ERH: variants seen among roughly 807,000 people sequenced by gnomAD.
ERH encodes the protein enhancer of rudimentary homolog.
ERH carries 1 observed loss-of-function variant against 16.8 expected under a neutral mutation model. That is an observed-to-expected ratio of 0.06 (90% CI 0.02 to 0.28). ERH has a LOEUF of 0.28. Among genes scored for constraint, ERH ranks in the 10% least tolerant of loss-of-function variants. ERH has a pLI of 1.00. For synonymous variants in ERH, 43 were observed against 43.6 expected (o/e 0.99, Z 0.05); for missense variants, 42 against 127.5 (o/e 0.33, Z 3.23).
chr14:69,385,958 A>C (rs1210250301), intron 3 of ERH, among the ~76,000 whole-genome samples: 1 of 152,168 alleles, frequency 6.6e-6, no homozygotes, highest in East Asian at 1.9e-4. Flanking sequence ...GGCTTCCTTA[A>C]TGACTTCAAA....
At position 69,380,514 on chromosome 14, in the gene ERH, A is replaced by AAC; in HGVS notation, c.*23_*24insGT. The AAC allele has an allele frequency of 2.9e-5, 35 of 1,218,980 alleles. No individual in the cohort carries two copies. Among genetic ancestry groups the AAC allele is most frequent in the Middle Eastern group, 2.3e-4 (1 of 4,314 alleles). 75.5% of individuals were successfully genotyped at this position (1,218,980 alleles called of 1,614,324 possible). A position where few individuals can be genotyped will look rare whatever the true frequency, so the allele number is the denominator to read the frequency against. On this transcript the variant is annotated 3_prime_UTR_variant, in exon 4 of 4. Transcript: ENST00000557016. ...ACACCTGTGTTCCAAGCCCACCCCA[A>AAC]CCCCCCCAGTGCTTCCAACACAATT...
intron 1 of ERH, 130 bp downstream of exon 1, chr14:69,398,101 C>T (rs1882411402): frequency 1.7e-6 from 2 of 1,173,314 alleles, no homozygotes; most frequent in Non-Finnish European, 2.5e-6. Context: ...AGGGTCAATC[C>T]ACCGACTAGA....
chr14:69,398,084 G>A (rs1326547092), intron 1 of ERH, 147 bp downstream of exon 1: 3 of 1,041,606 alleles, frequency 2.9e-6, no homozygotes, highest in African/African-American at 3.1e-5. Flanking sequence ...TCCCTGCGGC[G>A]GGAAGAAGGG....
At chr14:69,394,382 G>A (rs1369854966) in intron 2 of ERH, among the ~76,000 whole-genome samples, 1 of 151,960 alleles carries the variant, frequency 6.6e-6, no homozygotes, top group Admixed American at 6.5e-5. Flanking sequence ...ATTACTTGAG[G>A]TCAGGAGCTC....
At chr14:69,381,347 C>T (rs564200978) in intron 3 of ERH, among the ~76,000 whole-genome samples, 1 of 152,302 alleles carries the variant, frequency 6.6e-6, no homozygotes, top group African/African-American at 2.4e-5. Flanking sequence ...CTTTAAAAAA[C>T]ATGTACTGGC....
chr14:69,391,873 G>A (rs1882218843), intron 2 of ERH, among the ~76,000 whole-genome samples: 1 of 151,874 alleles, frequency 6.6e-6, no homozygotes, highest in South Asian at 2.1e-4. Flanking sequence ...ATACAGTAAA[G>A]GTAGATACAC....
At chr14:69,387,129 C>G (rs746510288) in intron 2 of ERH, 46 bp from the exon 3 acceptor site, 2 of 1,563,880 alleles carry the variant, frequency 1.3e-6, no homozygotes, top group Non-Finnish European at 8.8e-7. Context: ...ATCGCATACA[C>G]TTCTAGATAT....
In ERH at chr14:69,387,995, G is replaced by A. The variant is rs184659961; in HGVS notation, c.92-912C>T. Reference sequence around the variant, plus strand: ...TGGGAGGTGGAGATTGCAGTGAGCCGAGATCGGCCACTGCACTCCAGCCCG... The same window carrying A: ...TGGGAGGTGGAGATTGCAGTGAGCCAAGATCGGCCACTGCACTCCAGCCCG... On this transcript the variant is annotated intron_variant, in intron 2 of 3. Coordinates refer to ENST00000557016, the MANE Select transcript of ERH (RefSeq NM_004450.3). Among the ~76,000 whole-genome samples, 638 of 152,230 alleles carry A rather than the reference G, an allele frequency of 4.2e-3. 6 individuals carry two copies. Among genetic ancestry groups the A allele is most frequent in the African/African-American group, 0.015 (612 of 41,542 alleles).
chr14:69,380,521 C>CCCGG lies in ERH; in HGVS notation c.*16_*17insCCGG. On this transcript the variant is annotated 3_prime_UTR_variant, in exon 4 of 4. Transcript: ENST00000557016. ...TGTTCCAAGCCCACCCCAACCCCCC[C>CCCGG]AGTGCTTCCAACACAATTATTTCCC... 7.3e-7 allele frequency: 1 copy of CCCGG among 1,367,756 alleles called. No homozygotes were observed. Among genetic ancestry groups the CCCGG allele is most frequent in the Non-Finnish European group, 1.0e-6 (1 of 956,196 alleles). 84.7% of individuals were successfully genotyped at this position (1,367,756 alleles called of 1,614,324 possible). A position where few individuals can be genotyped will look rare whatever the true frequency, so the allele number is the denominator to read the frequency against.
chr14:69,383,136 C>T (rs1272170616), intron 3 of ERH, among the ~76,000 whole-genome samples: 1 of 152,168 alleles, frequency 6.6e-6, no homozygotes, highest in African/African-American at 2.4e-5. Context: ...GCATTATTTT[C>T]ATCTTACAAA....
intron 2 of ERH, among the ~76,000 whole-genome samples, chr14:69,391,477 T>C (rs2045923544): frequency 6.6e-6 from 1 of 151,412 alleles, no homozygotes; most frequent in African/African-American, 2.4e-5. Context: ...AAAACCCGTC[T>C]CTACTAAAAA....
intron 2 of ERH, among the ~76,000 whole-genome samples, chr14:69,391,934 C>G (rs915118484): frequency 6.6e-6 from 1 of 152,020 alleles, no homozygotes; most frequent in Non-Finnish European, 1.5e-5. Context: ...ACAGTAAACC[C>G]TAACATAAAC....
Position 69,380,484 on chromosome 14 carries a change from T to G in ERH, c.*54A>C. ...ATACAAAACTTCCACTACAGCACGC[T>G]GTACACACCTGTGTTCCAAGCCCAC... On this transcript the variant is annotated 3_prime_UTR_variant, in exon 4 of 4. Coordinates refer to ENST00000557016, the MANE Select transcript of ERH (RefSeq NM_004450.3). The G allele has an allele frequency of 1.0e-6, 1 of 992,594 alleles. No individual in the cohort carries two copies. Among genetic ancestry groups the G allele is most frequent in the Non-Finnish European group, 1.6e-6 (1 of 616,284 alleles). 61.5% of individuals were successfully genotyped at this position (992,594 alleles called of 1,614,324 possible). A position where few individuals can be genotyped will look rare whatever the true frequency, so the allele number is the denominator to read the frequency against.
rs34457663 is a variant in ERH at position 69,388,043 on chromosome 14, TCAAA to T, written c.92-964_92-961del. ...CCGGGTGACAGAGCAAGACTCTGTCTCAAACAAACAAACAAACAAAAAATCCTAG... is the reference window on the plus strand; with the variant it reads ...CCGGGTGACAGAGCAAGACTCTGTCTCAAACAAACAAACAAAAAATCCTAG... On this transcript the variant is annotated intron_variant, in intron 2 of 3. Coordinates refer to ENST00000557016, the MANE Select transcript of ERH (RefSeq NM_004450.3). Among the ~76,000 whole-genome samples, 514 of 152,178 alleles carry T rather than the reference TCAAA, an allele frequency of 3.4e-3. 6 individuals are homozygous for T. Among genetic ancestry groups the T allele is most frequent in the African/African-American group, 0.012 (492 of 41,508 alleles).
At chr14:69,382,603 G>A (rs1253494234) in intron 3 of ERH, among the ~76,000 whole-genome samples, 1 of 151,878 alleles carries the variant, frequency 6.6e-6, no homozygotes, top group Non-Finnish European at 1.5e-5. Flanking sequence ...GGAGGCTGAG[G>A]CAGGCGGGCC....
chr14:69,383,337 T>A (rs1456114715), intron 3 of ERH, among the ~76,000 whole-genome samples: 1 of 152,152 alleles, frequency 6.6e-6, no homozygotes, highest in East Asian at 1.9e-4. Flanking sequence ...AAGAATTAAT[T>A]TAAAAAAGTC....
At chr14:69,390,891 C>A (rs899147473) in intron 2 of ERH, among the ~76,000 whole-genome samples, 1 of 152,246 alleles carries the variant, frequency 6.6e-6, no homozygotes, top group South Asian at 2.1e-4. Flanking sequence ...CAAATAAGCA[C>A]ATGAAAAGAT....
rs1481457848 is a variant in ERH, at chr14:69,380,139, G to C, written c.*399C>G. 1.9e-5 allele frequency: 3 copies of C among 155,096 alleles called. No homozygotes were observed. The highest frequency in any genetic ancestry group is 7.3e-5 in the African/African-American group (3 of 41,214). 9.6% of individuals were successfully genotyped at this position (155,096 alleles called of 1,614,324 possible). A position where few individuals can be genotyped will look rare whatever the true frequency, so the allele number is the denominator to read the frequency against. On this transcript the variant is annotated 3_prime_UTR_variant, in exon 4 of 4. Coordinates refer to ENST00000557016, the MANE Select transcript of ERH (RefSeq NM_004450.3). Reference sequence around the variant, plus strand: ...ACTCAGGGAGAAAATATAACTAAAGGACATTTATTTATTTTTACCAAGACT... The same window carrying C: ...ACTCAGGGAGAAAATATAACTAAAGCACATTTATTTATTTTTACCAAGACT...
intron 2 of ERH, 70 bp from the exon 3 acceptor site, chr14:69,387,153 G>A (rs532015198): frequency 5.9e-5 from 78 of 1,316,066 alleles, no homozygotes; most frequent in Admixed American, 2.6e-4. Flanking sequence ...CAGTGCTTAT[G>A]AGCTGTGCTA....
Sources: gnomAD v4.1 joint callset for allele counts (sites outside exome capture counted in the v4.1 genomes callset) on GRCh38, gnomAD v4.1.1 for gene constraint, MANE v1.5 for transcripts, NCBI Gene and HGNC (gene_info 2026-07-23, HGNC 2026-07-21) for gene names.